SALL3: variants seen among roughly 807,000 people sequenced by gnomAD.
The protein encoded by SALL3 is sal-like protein 3.
In SALL3, 25 loss-of-function variants were observed where a neutral mutation model predicts 66.2. The observed-to-expected ratio is 0.38, with a 90% CI of 0.28 to 0.53. The LOEUF is 0.53. Among genes scored for constraint, SALL3 ranks in the 20% least tolerant of loss-of-function variants. SALL3 has a pLI of 0.85. For synonymous variants in SALL3, 1,152 were observed against 899.1 expected (o/e 1.28, Z -5.03); for missense variants, 2,194 against 1,916.5 (o/e 1.14, Z -2.70).
At chr18:78,996,482 GCA>G (rs1568297835) in intron 2 of SALL3, among the ~76,000 whole-genome samples, 1 of 152,192 alleles carries the variant, frequency 6.6e-6, no homozygotes, top group Non-Finnish European at 1.5e-5. Flanking sequence ...GAGGAGAGGG[GCA>G]CAGTCAGAGA....
chr18:78,994,163 G>A lies in SALL3; in HGVS notation c.2172G>A (p.Thr724=), dbSNP rs1338707869. The change falls in exon 2 of 3, where the codon ACG becomes ACA. Residue 724 remains threonine, a synonymous_variant. Transcript: ENST00000537592. ...RAFTTKGNLK[T]HFGVHRAKPP... The stretch of plus-strand genomic sequence containing the variant: ...TCACCACCAAGGGCAACCTCAAGAC[G>A]CACTTCGGCGTGCACCGTGCAAAGC... The A allele has an allele frequency of 1.2e-6, 2 of 1,613,086 alleles. No individual in the cohort carries two copies. The highest frequency in any genetic ancestry group is 1.7e-6 in the Non-Finnish European group (2 of 1,179,986).
At chr18:78,987,790 C>G (rs559459981) in intron 1 of SALL3, among the ~76,000 whole-genome samples, 2 of 152,086 alleles carry the variant, frequency 1.3e-5, no homozygotes, top group Non-Finnish European at 2.9e-5. Context: ...GAAGAGTGTT[C>G]GCTAAGTTCT....
intron 1 of SALL3, among the ~76,000 whole-genome samples, chr18:78,990,584 A>G (rs572642675): frequency 6.6e-6 from 1 of 152,356 alleles, no homozygotes; most frequent in Non-Finnish European, 1.5e-5. Flanking sequence ...AGAACCCTAA[A>G]CATCAACAAC....
intron 1 of SALL3, among the ~76,000 whole-genome samples, chr18:78,987,424 A>G (rs1407506730): frequency 6.6e-6 from 1 of 152,156 alleles, no homozygotes; most frequent in Admixed American, 6.5e-5. Flanking sequence ...CTTTGAAGCT[A>G]TGCTTTTGTT....
At position 78,997,310 on chromosome 18, in the gene SALL3, T is replaced by C; in HGVS notation, c.3891T>C (p.Ile1297=). 1 of 1,613,242 alleles carries C rather than the reference T, an allele frequency of 6.2e-7. No homozygotes were observed. The highest frequency in any genetic ancestry group is 8.5e-7 in the Non-Finnish European group (1 of 1,179,602). The stretch of plus-strand genomic sequence containing the variant: ...GGTTTATCGAGGATAACAAGGAGAT[T>C]GGTATCAACTAGCCAGTGACTCGCT... The part of the protein sequence containing the change: ...FTRFIEDNKE[I]GIN The change falls in exon 3 of 3, where the codon ATT becomes ATC. Residue 1297 remains isoleucine, a synonymous_variant. Transcript: ENST00000537592.
At chr18:78,980,460 A>C in intron 1 of SALL3, 104 bp downstream of exon 1, 1 of 638,246 alleles carries the variant, frequency 1.6e-6, no homozygotes, top group Non-Finnish European at 2.1e-6. Flanking sequence ...GAGCGGGAGA[A>C]AGTTCCCTGC....
chr18:78,990,647 T>C (rs982153964), intron 1 of SALL3, among the ~76,000 whole-genome samples: 3 of 152,194 alleles, frequency 2.0e-5, no homozygotes, highest in South Asian at 2.1e-4. Flanking sequence ...TAACAGTAAA[T>C]TATTTCCGGG....
In SALL3 at chr18:78,982,534, G is replaced by A. The variant is rs1170820917; in HGVS notation, c.82+2178G>A. On this transcript the variant is annotated intron_variant, in intron 1 of 2. Transcript: ENST00000537592. ...TTATATTCGAAGCAGCTTGTTCAAGGAGCATAACAGACACTCTGTTCCGTG... is the reference window on the plus strand; with the variant it reads ...TTATATTCGAAGCAGCTTGTTCAAGAAGCATAACAGACACTCTGTTCCGTG... 6.6e-5 allele frequency among the ~76,000 whole-genome samples: 10 copies of A among 152,200 alleles called. No individual in the cohort carries two copies. The South Asian group carries it at 2.1e-3, about 32-fold the overall frequency.
Position 78,994,088 on chromosome 18 carries a change from G to A in SALL3, c.2097G>A (p.Arg699=), listed in dbSNP as rs1191196328. Residue 699 remains arginine (R), a synonymous_variant, in exon 2 of 3, where the codon CGG becomes CGA. Transcript: ENST00000537592. ...AGAGCGCGCTGAAGATGCACTACCG[G>A]ACGCACACGGGGGAGCGGCCGTTCA... ...SCQSALKMHY[R]THTGERPFKC... 2 of 1,612,850 alleles carry A rather than the reference G, an allele frequency of 1.2e-6. No homozygotes were observed. Among genetic ancestry groups the A allele is most frequent in the Non-Finnish European group, 8.5e-7 (1 of 1,179,974 alleles).
Position 78,995,082 on chromosome 18 carries a change from G to C in SALL3, c.3091G>C (p.Glu1031Gln), listed in dbSNP as rs542744328. The C allele has an allele frequency of 6.2e-7, 1 of 1,613,786 alleles. No homozygotes were observed. The change falls in exon 2 of 3, where the codon GAG (glutamate) becomes CAG (glutamine). Residue 1031 changes from glutamate to glutamine, a missense_variant. Glu to Gln is a conservative substitution (Grantham distance 29). Transcript: ENST00000537592. ...GCACTTACTGACACACAGATTGAAA[G>C]AGCTGCCTTCTCAGTTATTTGACCC... ...KQHLLTHRLKELPSQLFDPNF... is the reference protein window; with the variant it reads ...KQHLLTHRLKQLPSQLFDPNF...
chr18:78,980,359 G>T lies in SALL3; in HGVS notation c.82+3G>T. On this transcript the variant is annotated splice_donor_region_variant and intron_variant, in intron 1 of 2. Coordinates refer to ENST00000537592, the MANE Select transcript of SALL3 (RefSeq NM_171999.4). The stretch of plus-strand genomic sequence containing the variant: ...GCCTGACGGGGCTCCCGAGCACGGT[G>T]AGGGCCGGGGCTGCGGGGTGGCCGG... 1 of 1,432,724 alleles carries T rather than the reference G, an allele frequency of 7.0e-7. No individual in the cohort carries two copies. 88.8% of individuals were successfully genotyped at this position (1,432,724 alleles called of 1,614,324 possible).
At position 78,993,141 on chromosome 18, in the gene SALL3, G is replaced by A; in HGVS notation, c.1150G>A (p.Ala384Thr). 2.5e-6 allele frequency: 4 copies of A among 1,605,722 alleles called. No homozygotes were observed. The highest frequency in any genetic ancestry group is 3.4e-6 in the Non-Finnish European group (4 of 1,177,492). Residue 384 changes from alanine (A) to threonine (T), a missense_variant, in exon 2 of 3, where the codon GCC becomes ACC. Coordinates refer to ENST00000537592, the MANE Select transcript of SALL3 (RefSeq NM_171999.4). ...CCCGCTGGTCAGCATCGCGGCCACG[G>A]CCAACGCTCTGGACCCGCTGTCCGC... The part of the protein sequence containing the change: ...PNPLVSIAAT[A>T]NALDPLSALM...
chr18:78,993,522 A>C lies in SALL3; in HGVS notation c.1531A>C (p.Thr511Pro). ...GCTGCCCCCCGAGAAGCCCGTGACC[A>C]CCTGGCTGGACAGCAAGCCCGTGCT... ...MSLPPEKPVT[T>P]WLDSKPVLPT... Residue 511 changes from threonine to proline, a missense_variant, in exon 2 of 3, where the codon ACC becomes CCC. Coordinates refer to ENST00000537592, the MANE Select transcript of SALL3 (RefSeq NM_171999.4). 3 of 1,596,044 alleles carry C rather than the reference A, an allele frequency of 1.9e-6. No homozygotes were observed. The highest frequency in any genetic ancestry group is 2.6e-6 in the Non-Finnish European group (3 of 1,174,206).
intron 1 of SALL3, 29 bp downstream of exon 1, chr18:78,980,385 G>T (rs1300724372): frequency 7.4e-7 from 1 of 1,357,332 alleles, no homozygotes; most frequent in South Asian, 1.5e-5. Context: ...GGGTGGCCGG[G>T]GGGTCTGGGG....
chr18:78,991,295 A>C lies in SALL3; in HGVS notation c.83-779A>C, dbSNP rs568433724. On this transcript the variant is annotated intron_variant, in intron 1 of 2. Transcript: ENST00000537592. ...TCTGACAGAGCCAATTAATTGTATT[A>C]CACATGATGCATTTTAGGCCTAGAC... Among the ~76,000 whole-genome samples the C allele has an allele frequency of 2.0e-3, 298 of 147,914 alleles. 1 individual carries two copies. Among genetic ancestry groups the C allele is most frequent in the African/African-American group, 7.2e-3 (290 of 40,124 alleles).
At position 78,997,313 on chromosome 18, in the gene SALL3, T is replaced by C; in HGVS notation, c.3894T>C (p.Gly1298=). Reference sequence around the variant, plus strand: ...TTATCGAGGATAACAAGGAGATTGGTATCAACTAGCCAGTGACTCGCTCAT... The same window carrying C: ...TTATCGAGGATAACAAGGAGATTGGCATCAACTAGCCAGTGACTCGCTCAT... ...TRFIEDNKEI[G]IN The change falls in exon 3 of 3, where the codon GGT becomes GGC. Residue 1298 remains glycine (G), a synonymous_variant. Coordinates refer to ENST00000537592, the MANE Select transcript of SALL3 (RefSeq NM_171999.4). The C allele has an allele frequency of 6.2e-7, 1 of 1,613,234 alleles. No individual in the cohort carries two copies. The highest frequency in any genetic ancestry group is 8.5e-7 in the Non-Finnish European group (1 of 1,179,604).
At chr18:78,984,583 T>C (rs570232444) in intron 1 of SALL3, among the ~76,000 whole-genome samples, 2 of 152,228 alleles carry the variant, frequency 1.3e-5, no homozygotes, top group East Asian at 1.9e-4. Context: ...ACAAACTGTA[T>C]GTAAAAATTG....
Position 78,980,382 on chromosome 18 carries a change from C to T in SALL3, c.82+26C>T, listed in dbSNP as rs1176446749. The T allele has an allele frequency of 4.4e-6, 6 of 1,368,710 alleles. No homozygotes were observed. The Admixed American group carries it at 7.9e-5, about 18-fold the overall frequency. 84.8% of individuals were successfully genotyped at this position (1,368,710 alleles called of 1,614,324 possible). ...GTGAGGGCCGGGGCTGCGGGGTGGC[C>T]GGGGGGTCTGGGGCTGCCCGTCCGG... On this transcript the variant is annotated intron_variant, in intron 1 of 2. Transcript: ENST00000537592.
At chr18:78,986,956 AT>A (rs1197047877) in intron 1 of SALL3, among the ~76,000 whole-genome samples, 1 of 152,234 alleles carries the variant, frequency 6.6e-6, no homozygotes, top group East Asian at 1.9e-4. Context: ...CTTAAATATT[AT>A]ATAGGTATAC....
Sources: gnomAD v4.1 joint callset for allele counts (sites outside exome capture counted in the v4.1 genomes callset) on GRCh38, gnomAD v4.1.1 for gene constraint, MANE v1.5 for transcripts, NCBI Gene and HGNC (gene_info 2026-07-23, HGNC 2026-07-21) for gene names.